The following SAMD9L variants were observed in gnomAD, a reference collection of about 807,000 sequenced individuals.
SAMD9L encodes the protein sterile alpha motif domain-containing protein 9-like.
SAMD9L carries 68 observed loss-of-function variants against 90.7 expected under a neutral mutation model. The observed-to-expected ratio is 0.75, with a 90% CI of 0.62 to 0.92. The LOEUF is 0.92. SAMD9L is among the 40% of genes least tolerant of loss of function. The pLI, the probability that SAMD9L is intolerant of heterozygous loss-of-function variation, is 0.00. For synonymous variants in SAMD9L, 640 were observed against 630.1 expected, an observed-to-expected ratio of 1.02 and a Z score of -0.23; for missense variants, 1,604 against 1,824.3, an observed-to-expected ratio of 0.88 and a Z score of 2.20.
rs533077590 is a variant in SAMD9L, at chr7:93,130,941, A to C, written c.*276T>G. 3.4e-6 allele frequency: 1 copy of C among 297,534 alleles called. No individual in the cohort carries two copies. 18.4% of individuals were successfully genotyped at this position (297,534 alleles called of 1,614,324 possible). A position where few individuals can be genotyped will look rare whatever the true frequency, so the allele number is the denominator to read the frequency against. On this transcript the variant is annotated 3_prime_UTR_variant, in exon 5 of 5. Coordinates refer to ENST00000318238, the MANE Select transcript of SAMD9L (RefSeq NM_152703.5). ...AGATTTTATTGCCCTATAGACAGTT[A>C]TGATGTGACCAGTGGATATCAATGA...
rs1458296411 is a variant in SAMD9L at position 93,143,710 on chromosome 7, A to G, written c.-21+1022T>C. 2.6e-5 allele frequency among the ~76,000 whole-genome samples: 4 copies of G among 152,234 alleles called. 1 individual carries two copies. The highest frequency in any genetic ancestry group is 4.1e-4 in the South Asian group (2 of 4,838). ...CCATTTCCCATTGGTAGCTGAGAAT[A>G]TATTTAACAACTTGAAGCTATTATG... is the stretch of plus-strand genomic sequence containing the variant. On this transcript the variant is annotated intron_variant, in intron 4 of 4. Coordinates refer to ENST00000318238, the MANE Select transcript of SAMD9L (RefSeq NM_152703.5).
intron 4 of SAMD9L, among the ~76,000 whole-genome samples, 184 bp from the exon 5 acceptor site, chr7:93,136,175 T>A (rs1410757652): frequency 6.6e-6 from 1 of 152,196 alleles, no homozygotes; most frequent in Non-Finnish European, 1.5e-5. Context: ...CATACCCTTG[T>A]TTCTTAGGTG....
rs1236568768 is a variant in SAMD9L, at chr7:93,132,663, C to T, written c.3309G>A (p.Leu1103=). ...TCATTTTGGCCTGACGTGCCCAGTCCAGAGCTGTGTTAAAGTCCTTCTCTT... is the reference window on the plus strand; with the variant it reads ...TCATTTTGGCCTGACGTGCCCAGTCTAGAGCTGTGTTAAAGTCCTTCTCTT... The part of the protein sequence containing the change: ...YIKEKDFNTA[L]DWARQAKMKA... Residue 1103 remains leucine (L), a synonymous_variant, in exon 5 of 5, where the codon CTG becomes CTA. Coordinates refer to ENST00000318238, the MANE Select transcript of SAMD9L (RefSeq NM_152703.5). 6.2e-7 allele frequency: 1 copy of T among 1,613,830 alleles called. No homozygotes were observed. Among genetic ancestry groups the T allele is most frequent in the South Asian group, 1.1e-5 (1 of 91,076 alleles).
At position 93,133,107 on chromosome 7, in the gene SAMD9L, C is replaced by T; in HGVS notation, c.2865G>A (p.Trp955Ter). 1 of 1,612,616 alleles carries T rather than the reference C, an allele frequency of 6.2e-7. No individual in the cohort carries two copies. The highest frequency in any genetic ancestry group is 8.5e-7 in the Non-Finnish European group (1 of 1,179,034). ...FLGIIYTSTP[W>*]EPESLEDKMG... ...TCTTGTCTTCTAAGCTTTCAGGTTC[C>T]CAGGGTGTACTAGTGTATATGATTC... is the stretch of plus-strand genomic sequence containing the variant. The change falls in exon 5 of 5, where the codon TGG becomes TGA. Residue 955 changes from tryptophan (W) to a stop codon, truncating the protein, a stop_gained. Transcript: ENST00000318238. LOFTEE classifies it high-confidence loss of function.
chr7:93,135,381 A>ATGTAT lies in SAMD9L; in HGVS notation c.586_590dup (p.His197GlnfsTer21). 1 of 1,614,126 alleles carries ATGTAT rather than the reference A, an allele frequency of 6.2e-7. No homozygotes were observed. The highest frequency in any genetic ancestry group is 8.5e-7 in the Non-Finnish European group (1 of 1,179,986). On this transcript the variant is annotated frameshift_variant, in exon 5 of 5. Transcript: ENST00000318238. LOFTEE classifies it low-confidence loss of function (END_TRUNC). Reference sequence around the variant, plus strand: ...CTGTGTTTGTGAGAGCTTTGAACTCATGTATTGGATCAATGAGATTGAGTG... The same window carrying ATGTAT: ...CTGTGTTTGTGAGAGCTTTGAACTCATGTATTGTATTGGATCAATGAGATTGAGTG...
rs988090473 is a variant in SAMD9L at position 93,144,722 on chromosome 7, G to T, written c.-21+10C>A. On this transcript the variant is annotated intron_variant, in intron 4 of 4. Transcript: ENST00000318238. ...TGTCTAGGAGGCTGGGCCTCACTGG[G>T]CTCACTCACCTCACTGGGCTCACTC... The T allele has an allele frequency of 2.2e-4, 34 of 152,176 alleles. No homozygotes were observed. Among genetic ancestry groups the T allele is most frequent in the African/African-American group, 8.2e-4 (34 of 41,432 alleles). 9.4% of individuals were successfully genotyped at this position (152,176 alleles called of 1,614,324 possible).
In SAMD9L at chr7:93,133,970, CTG is replaced by C; in HGVS notation, c.2000_2001del (p.Thr667ArgfsTer8). 1.9e-6 allele frequency: 3 copies of C among 1,613,708 alleles called. No homozygotes were observed. Among genetic ancestry groups the C allele is most frequent in the Middle Eastern group, 1.7e-4 (1 of 6,058 alleles). ...EILCENECTE[T>X]DIEKDKSKFL... ...AATTTAGATTTGTCTTTCTCGATGT[CTG>C]TCTCTGTACACTCATTTTCACAGAG... On this transcript the variant is annotated frameshift_variant, in exon 5 of 5. Coordinates refer to ENST00000318238, the MANE Select transcript of SAMD9L (RefSeq NM_152703.5). LOFTEE classifies it high-confidence loss of function.
chr7:93,143,042 G>A (rs180931412), intron 4 of SAMD9L, among the ~76,000 whole-genome samples: 15 of 152,300 alleles, frequency 9.8e-5, no homozygotes, highest in African/African-American at 2.9e-4. Context: ...GGGTGGTTGC[G>A]TGGGGGATAG....
chr7:93,139,089 T>G (rs1375657938), intron 4 of SAMD9L, among the ~76,000 whole-genome samples: 1 of 152,158 alleles, frequency 6.6e-6, no homozygotes, highest in Non-Finnish European at 1.5e-5. Flanking sequence ...ATATTTTGTA[T>G]TAAATACATT....
chr7:93,137,464 A>ACCAT (rs1792500664), intron 4 of SAMD9L, among the ~76,000 whole-genome samples: 1 of 151,826 alleles, frequency 6.6e-6, no homozygotes, highest in Admixed American at 6.6e-5. Flanking sequence ...CCCAAATGGG[A>ACCAT]CCATCTAGTT....
At chr7:93,137,194 C>T (rs1351584858) in intron 4 of SAMD9L, among the ~76,000 whole-genome samples, 1 of 152,118 alleles carries the variant, frequency 6.6e-6, no homozygotes, top group East Asian at 1.9e-4. Context: ...GGACCAGTAC[C>T]AGTCTCTAGC....
Position 93,137,656 on chromosome 7 carries a change from C to G in SAMD9L, c.-20-1665G>C, listed in dbSNP as rs562545567. On this transcript the variant is annotated intron_variant, in intron 4 of 4. Coordinates refer to ENST00000318238, the MANE Select transcript of SAMD9L (RefSeq NM_152703.5). ...AAAAATTGTCTCCCATGAAGCTGGT[C>G]CCTGGTTCCAAAAAGATTGGGGACT... Among the ~76,000 whole-genome samples, 3 of 151,796 alleles carry G rather than the reference C, an allele frequency of 2.0e-5. No homozygotes were observed. In the East Asian group the frequency reaches 5.8e-4, roughly 29 times the overall value.
chr7:93,139,050 T>C (rs760963404), intron 4 of SAMD9L, among the ~76,000 whole-genome samples: 4 of 152,192 alleles, frequency 2.6e-5, no homozygotes, highest in Non-Finnish European at 5.9e-5. Flanking sequence ...ACTTTTTATA[T>C]ATTTTATACA....
chr7:93,135,640 T>C lies in SAMD9L; in HGVS notation c.332A>G (p.Glu111Gly). Residue 111 changes from glutamate (E) to glycine (G), a missense_variant, in exon 5 of 5, where the codon GAA (glutamate) becomes GGA (glycine). Around this residue, in one of 7 missense-constraint regions of SAMD9L, gnomAD observed 374 missense variants for 363.6 expected, o/e 1.03. Coordinates refer to ENST00000318238, the MANE Select transcript of SAMD9L (RefSeq NM_152703.5). ...QKNPKHTKKE[E>G]ENSMSSNIDY... is the part of the protein sequence containing the mutation. ...AATATTAGATGACATTGAATTTTCT[T>C]CTTCCTTTTTGGTGTGTTTTGGATT... is the stretch of plus-strand genomic sequence containing the variant. 6.2e-7 allele frequency: 1 copy of C among 1,614,108 alleles called. No individual in the cohort carries two copies. Among genetic ancestry groups the C allele is most frequent in the Non-Finnish European group, 8.5e-7 (1 of 1,179,958 alleles).
In SAMD9L at chr7:93,132,653, G is replaced by C; in HGVS notation, c.3319C>G (p.Arg1107Gly). The C allele has an allele frequency of 6.2e-7, 1 of 1,613,764 alleles. No homozygotes were observed. Among genetic ancestry groups the C allele is most frequent in the Non-Finnish European group, 8.5e-7 (1 of 1,179,806 alleles). Reference protein sequence around the residue: ...KDFNTALDWARQAKMKAPKNS... With the variant: ...KDFNTALDWAGQAKMKAPKNS... The stretch of plus-strand genomic sequence containing the variant: ...TTAGGTGCTTTCATTTTGGCCTGAC[G>C]TGCCCAGTCCAGAGCTGTGTTAAAG... Residue 1107 changes from arginine (R) to glycine (G), a missense_variant, in exon 5 of 5, where the codon CGT becomes GGT. Physicochemically the swap from Arg to Gly is moderately radical, Grantham distance 125 (BLOSUM62 -2). Around this residue, in one of 7 missense-constraint regions of SAMD9L, gnomAD observed 302 missense variants for 314.7 expected, o/e 0.96. Coordinates refer to ENST00000318238, the MANE Select transcript of SAMD9L (RefSeq NM_152703.5).
In SAMD9L at chr7:93,134,185, G is replaced by T; in HGVS notation, c.1787C>A (p.Thr596Lys). 1 of 1,613,312 alleles carries T rather than the reference G, an allele frequency of 6.2e-7. No individual in the cohort carries two copies. Among genetic ancestry groups the T allele is most frequent in the Non-Finnish European group, 8.5e-7 (1 of 1,179,530 alleles). Residue 596 changes from threonine (T) to lysine (K), a missense_variant, in exon 5 of 5, where the codon ACA (threonine) becomes AAA (lysine). Physicochemically the swap from Thr to Lys is moderately conservative, Grantham distance 78. This residue lies in a region of SAMD9L where 606 missense variants were observed against 717.6 expected (regional missense o/e 0.84). Transcript: ENST00000318238. ...IYQRWKDLLQ[T>K]RMKMEDELTN... Reference sequence around the variant, plus strand: ...TAGTTCATCTTCCATCTTCATTCTTGTTTGTAGTAGATCTTTCCATCGTTG... The same window carrying T: ...TAGTTCATCTTCCATCTTCATTCTTTTTTGTAGTAGATCTTTCCATCGTTG...
Position 93,131,678 on chromosome 7 carries a change from G to A in SAMD9L, c.4294C>T (p.Leu1432Phe). ...TCTTGATTTTCTGGCCAGAACAGGA[G>A]GCAGGCCAAGAAATAAGGACCTGGA... ...QYPGPYFLAC[L>F]LFWPENQELD... The change falls in exon 5 of 5, where the codon CTC becomes TTC. Residue 1432 changes from leucine to phenylalanine, a missense_variant. Physicochemically the swap from Leu to Phe is conservative, Grantham distance 22 (BLOSUM62 0). Coordinates refer to ENST00000318238, the MANE Select transcript of SAMD9L (RefSeq NM_152703.5). The A allele has an allele frequency of 6.2e-7, 1 of 1,613,832 alleles. No individual in the cohort carries two copies. Among genetic ancestry groups the A allele is most frequent in the Non-Finnish European group, 8.5e-7 (1 of 1,179,830 alleles).
Position 93,134,444 on chromosome 7 carries a change from T to C in SAMD9L, c.1528A>G (p.Lys510Glu), listed in dbSNP as rs1445621871. 3.1e-6 allele frequency: 5 copies of C among 1,613,976 alleles called. No homozygotes were observed. The highest frequency in any genetic ancestry group is 1.7e-5 in the Admixed American group (1 of 60,010). ...GRSDLKSETY[K>E]PLEPHLWQRE... ...TGCCATAAATGTGGTTCTAGAGGTT[T>C]ATATGTCTCGCTTTTCAGGTCTGAT... Residue 510 changes from lysine (K) to glutamate (E), a missense_variant, in exon 5 of 5, where the codon AAA becomes GAA. By Grantham distance (56) the Lys-to-Glu change is moderately conservative. Coordinates refer to ENST00000318238, the MANE Select transcript of SAMD9L (RefSeq NM_152703.5).
intron 4 of SAMD9L, among the ~76,000 whole-genome samples, chr7:93,137,935 C>T (rs1388437039): frequency 6.6e-6 from 1 of 152,024 alleles, no homozygotes; most frequent in African/African-American, 2.4e-5. Flanking sequence ...TTGCACTACA[C>T]ATTTATGGTG....
Sources: allele counts gnomAD v4.1 joint callset (sites outside exome capture counted in the v4.1 genomes callset), GRCh38; gene constraint gnomAD v4.1.1; regional missense constraint gnomAD v4.1.1; transcripts MANE v1.5; gene names NCBI Gene and HGNC (gene_info 2026-07-23, HGNC 2026-07-21).